CUBN: variants seen among roughly 807,000 people sequenced by gnomAD.
The protein encoded by CUBN is 460 kDa receptor.
CUBN carries 282 observed loss-of-function variants against 405.3 expected under a neutral mutation model. That is an observed-to-expected ratio of 0.70 (90% CI 0.63 to 0.77). The LOEUF is 0.77. Ranked by LOEUF, CUBN falls within the 30% of genes least tolerant of loss-of-function variation. CUBN has a pLI of 0.00. For missense variants in CUBN, 4,514 were observed against 4,475.2 expected (o/e 1.01, Z -0.25); for synonymous variants, 1,684 against 1,617.0 (o/e 1.04, Z -0.99).
At chr10:16,895,750 C>T (rs548494458) in intron 54 of CUBN, among the ~76,000 whole-genome samples, 46 of 152,120 alleles carry the variant, frequency 3.0e-4, no homozygotes, top group Non-Finnish European at 5.4e-4. Context: ...ACATCCTTTT[C>T]CATCCTTTTA....
rs1223699941 is a variant in CUBN at position 16,904,078 on chromosome 10, A to G, written c.7950T>C (p.Gly2650=). 1 of 1,613,734 alleles carries G rather than the reference A, an allele frequency of 6.2e-7. No individual in the cohort carries two copies. The highest frequency in any genetic ancestry group is 1.1e-5 in the South Asian group (1 of 91,074). Residue 2650 remains glycine (G), a synonymous_variant, in exon 51 of 67, where the codon GGT becomes GGC. Transcript: ENST00000377833. ...CCAATGGCAATGTAGGCTTTGAAGGACCACAAAGTCTCCACATCAGGGGCC... is the reference window on the plus strand; with the variant it reads ...CCAATGGCAATGTAGGCTTTGAAGGGCCACAAAGTCTCCACATCAGGGGCC... ...ADGPLMWRLC[G]PSKPTLPLVI...
intron 31 of CUBN, among the ~76,000 whole-genome samples, chr10:16,967,114 TGAGG>T (rs1292942572): frequency 2.0e-5 from 3 of 152,194 alleles, no homozygotes; most frequent in African/African-American, 7.2e-5. Context: ...TTCTTGGGGC[TGAGG>T]AAGGAGGAAG....
In CUBN at chr10:16,925,300, A is replaced by G. The variant is rs1340760576; in HGVS notation, c.6587T>C (p.Ile2196Thr). ...TTGCCCTTCATTACTGTGATCAGAA[A>G]TAAACTGAACAAACATTTGATTATC... ...TSDNQMFVQF[I>T]SDHSNEGQGF... Residue 2196 changes from isoleucine to threonine, a missense_variant, in exon 43 of 67, where the codon ATT becomes ACT. Coordinates refer to ENST00000377833, the MANE Select transcript of CUBN (RefSeq NM_001081.4). 1.2e-6 allele frequency: 2 copies of G among 1,613,934 alleles called. No individual in the cohort carries two copies.
At chr10:17,030,894 G>C (rs558156863) in intron 27 of CUBN, among the ~76,000 whole-genome samples, 2 of 152,084 alleles carry the variant, frequency 1.3e-5, no homozygotes, top group South Asian at 4.2e-4. Flanking sequence ...ACTCCAGCCC[G>C]GGCGACAGAG....
intron 27 of CUBN, among the ~76,000 whole-genome samples, chr10:17,036,817 G>T (rs981266190): frequency 6.6e-6 from 1 of 152,186 alleles, no homozygotes; most frequent in Non-Finnish European, 1.5e-5. Flanking sequence ...CTTTGCGGCA[G>T]TGTCAATAGA....
At chr10:16,884,685 G>A (rs191645557) in intron 56 of CUBN, among the ~76,000 whole-genome samples, 168 of 152,032 alleles carry the variant, frequency 1.1e-3, no homozygotes, top group African/African-American at 3.8e-3. Flanking sequence ...GTTGAGTGTG[G>A]TTCAACAATC....
chr10:17,114,247 T>G, intron 7 of CUBN, 58 bp from the exon 8 acceptor site: 1 of 1,553,184 alleles, frequency 6.4e-7, no homozygotes, highest in Non-Finnish European at 8.8e-7. Context: ...AAGAAAAGCC[T>G]TTGAACATTT....
intron 6 of CUBN, among the ~76,000 whole-genome samples, chr10:17,118,787 G>A (rs1286885922): frequency 6.6e-6 from 1 of 152,100 alleles, no homozygotes; most frequent in Admixed American, 6.5e-5. Flanking sequence ...ATATTTTCAA[G>A]GTGTCTTGAT....
Position 16,915,188 on chromosome 10 carries a change from A to G in CUBN, c.7211-16T>C. ...AAGATGTTTCCTGTGAGAGACAAAT[A>G]ATTAAATATACATGTCCAAGTGATT... is the stretch of plus-strand genomic sequence containing the variant. On this transcript the variant is annotated splice_polypyrimidine_tract_variant and intron_variant, in intron 46 of 66. Coordinates refer to ENST00000377833, the MANE Select transcript of CUBN (RefSeq NM_001081.4). The G allele has an allele frequency of 6.2e-7, 1 of 1,613,388 alleles. No individual in the cohort carries two copies. Among genetic ancestry groups the G allele is most frequent in the Non-Finnish European group, 8.5e-7 (1 of 1,179,952 alleles).
chr10:16,914,116 A>G (rs1455679734), intron 47 of CUBN, 124 bp from the exon 48 acceptor site: 1 of 999,926 alleles, frequency 1.0e-6, no homozygotes, highest in Admixed American at 2.0e-5. Flanking sequence ...CTCCATATTT[A>G]TTTATGTGCA....
In CUBN at chr10:17,100,232, C is replaced by A; in HGVS notation, c.1538G>T (p.Arg513Leu). The change falls in exon 14 of 67, where the codon CGT becomes CTT. Residue 513 changes from arginine to leucine, a missense_variant. Around this residue, in one of 5 missense-constraint regions of CUBN, gnomAD observed 1,448 missense variants for 1,388.0 expected, o/e 1.04. Transcript: ENST00000377833. ...VIKTEMGKVLRITFTFFRLES... is the reference protein window; with the variant it reads ...VIKTEMGKVLLITFTFFRLES... ...TAACCGGAAAAAAGTGAAAGTGATA[C>A]GCAGGACCTAAAAATACAAAGGCCA... 6.2e-7 allele frequency: 1 copy of A among 1,603,452 alleles called. No homozygotes were observed. The highest frequency in any genetic ancestry group is 8.5e-7 in the Non-Finnish European group (1 of 1,170,492).
intron 22 of CUBN, among the ~76,000 whole-genome samples, chr10:17,048,715 AG>A: frequency 6.6e-6 from 1 of 152,298 alleles, no homozygotes; most frequent in East Asian, 1.9e-4. Context: ...GAGTAGACAG[AG>A]GTCTCCTACT....
At chr10:16,916,945 T>C (rs1477381314) in intron 45 of CUBN, among the ~76,000 whole-genome samples, 2 of 151,582 alleles carry the variant, frequency 1.3e-5, no homozygotes, top group African/African-American at 2.4e-5. Context: ...TCCTGAGTAG[T>C]AGGAATTACA....
At position 16,829,171 on chromosome 10, in the gene CUBN, T is replaced by C. The variant is rs186420020; in HGVS notation, c.10529-131A>G. 38 of 728,778 alleles carry C rather than the reference T, an allele frequency of 5.2e-5. No homozygotes were observed. In the East Asian group the frequency reaches 8.9e-4, roughly 17 times the overall value. 45.1% of individuals were successfully genotyped at this position (728,778 alleles called of 1,614,324 possible). On this transcript the variant is annotated intron_variant, in intron 65 of 66. Coordinates refer to ENST00000377833, the MANE Select transcript of CUBN (RefSeq NM_001081.4). ...AAGAATAATGGAGGCAGAAATCCCT[T>C]TTCCTTTTCCTCTTCTTTGGGCTAC... is the stretch of plus-strand genomic sequence containing the variant.
chr10:16,829,681 C>A (rs1316039511), intron 65 of CUBN, among the ~76,000 whole-genome samples: 3 of 152,144 alleles, frequency 2.0e-5, no homozygotes, highest in African/African-American at 2.4e-5. Context: ...AGATCCAGGT[C>A]ATCTCTGGGA....
chr10:17,120,784 A>G (rs1837021425), intron 6 of CUBN, among the ~76,000 whole-genome samples: 1 of 152,212 alleles, frequency 6.6e-6, no homozygotes, highest in South Asian at 2.1e-4. Flanking sequence ...ATCTTGGTCT[A>G]TGGATCTCAT....
chr10:16,916,112 C>G, intron 45 of CUBN, 82 bp from the exon 46 acceptor site: 1 of 1,385,850 alleles, frequency 7.2e-7, no homozygotes, highest in Non-Finnish European at 1.0e-6. Flanking sequence ...TTGTTTTCTT[C>G]ATTTCACCAG....
At chr10:17,091,681 C>G (rs992170454) in intron 14 of CUBN, among the ~76,000 whole-genome samples, 1 of 152,154 alleles carries the variant, frequency 6.6e-6, no homozygotes, top group Non-Finnish European at 1.5e-5. Flanking sequence ...GATCAGAACA[C>G]TCTGACCAAT....
At position 16,900,660 on chromosome 10, in the gene CUBN, C is replaced by G. The variant is rs1306928204; in HGVS notation, c.8375G>C (p.Gly2792Ala). The G allele has an allele frequency of 1.2e-6, 2 of 1,614,106 alleles. No individual in the cohort carries two copies. The stretch of plus-strand genomic sequence containing the variant: ...TGTGTTCCACGTAGCATAAAATCCA[C>G]CACCTTGCAATGAATGGTCTGAGTT... The part of the protein sequence containing the change: ...TFNSDHSLQG[G>A]GFYATWNTQT... Residue 2792 changes from glycine to alanine, a missense_variant, in exon 53 of 67, where the codon GGT (glycine) becomes GCT (alanine). Around this residue, in one of 5 missense-constraint regions of CUBN, gnomAD observed 1,186 missense variants for 1,186.9 expected, o/e 1.00. Coordinates refer to ENST00000377833, the MANE Select transcript of CUBN (RefSeq NM_001081.4).
Sources: allele counts gnomAD v4.1 joint callset (sites outside exome capture counted in the v4.1 genomes callset), GRCh38; gene constraint gnomAD v4.1.1; regional missense constraint gnomAD v4.1.1; transcripts MANE v1.5; gene names NCBI Gene and HGNC (gene_info 2026-07-23, HGNC 2026-07-21).